CENPK: variants seen among roughly 807,000 people sequenced by gnomAD.
The protein encoded by CENPK is centromere protein K.
CENPK carries 46 observed loss-of-function variants against 40.9 expected under a neutral mutation model. The observed-to-expected ratio is 1.13, with a 90% CI of 0.89 to 1.44. The LOEUF is 1.44. Ranked by LOEUF, CENPK falls within the 40% of genes most tolerant of loss-of-function variation. CENPK has a pLI of 0.00. For missense variants in CENPK, 288 were observed against 303.5 expected, an observed-to-expected ratio of 0.95 and a Z score of 0.38; for synonymous variants, 107 against 104.4, an observed-to-expected ratio of 1.02 and a Z score of -0.15.
the CENPK span, among the ~76,000 whole-genome samples, chr5:65,503,618 C>T: frequency 6.6e-6 from 1 of 151,182 alleles, no homozygotes; most frequent in Non-Finnish European, 1.5e-5. Flanking sequence ...ATATTTAGAA[C>T]TTTTTCTATT....
Position 65,563,129 on chromosome 5 carries a change from G to A in CENPK, c.-173C>T, listed in dbSNP as rs1752340528. 3 of 726,700 alleles carry A rather than the reference G, an allele frequency of 4.1e-6. No homozygotes were observed. Among genetic ancestry groups the A allele is most frequent in the African/African-American group, 1.8e-5 (1 of 55,802 alleles). The allele number at this position is 726,700 out of a possible 1,614,324, so 45.0% of individuals were successfully genotyped here. On this transcript the variant is annotated 5_prime_UTR_variant, in exon 1 of 11. Transcript: ENST00000396679. The stretch of plus-strand genomic sequence containing the variant: ...AGCGTCACAAACTCCAGGTCGCCTA[G>A]GCGCTGCGCAGGAAGCGCTTGCCAG...
At chr5:65,554,628 T>C (rs1750684588) in intron 3 of CENPK, among the ~76,000 whole-genome samples, 169 bp downstream of exon 3, 1 of 152,246 alleles carries the variant, frequency 6.6e-6, no homozygotes, top group Non-Finnish European at 1.5e-5. Flanking sequence ...ATAGCTCATC[T>C]AGTGTAAAGT....
At chr5:65,507,773 T>C in the CENPK span, among the ~76,000 whole-genome samples, 1 of 152,240 alleles carries the variant, frequency 6.6e-6, no homozygotes, top group Admixed American at 6.5e-5. Flanking sequence ...TCCAGTATTG[T>C]TCTTTTTCAG....
At chr5:65,503,803 C>T in the CENPK span, among the ~76,000 whole-genome samples, 6 of 151,684 alleles carry the variant, frequency 4.0e-5, no homozygotes, top group African/African-American at 1.2e-4. Context: ...ACTACAAGCA[C>T]GTGCCACCAC....
chr5:65,533,058 A>ATT (rs1034400364), intron 6 of CENPK, among the ~76,000 whole-genome samples: 8 of 152,102 alleles, frequency 5.3e-5, no homozygotes, highest in African/African-American at 1.9e-4. Flanking sequence ...TTAATTTGTG[A>ATT]TTTTAAAATA....
chr5:65,511,088 C>A, the CENPK span, among the ~76,000 whole-genome samples: 4 of 152,186 alleles, frequency 2.6e-5, no homozygotes, highest in African/African-American at 9.6e-5. Flanking sequence ...TGGACTAAGA[C>A]ACAACCACAA....
chr5:65,515,867 G>C (rs547838210), downstream of CENPK, among the ~76,000 whole-genome samples: 9 of 152,310 alleles, frequency 5.9e-5, no homozygotes, highest in Admixed American at 3.9e-4. Flanking sequence ...CCATACACTA[G>C]GTGACTTAAG....
chr5:65,533,403 T>A (rs1746262749), intron 6 of CENPK, among the ~76,000 whole-genome samples: 2 of 142,118 alleles, frequency 1.4e-5, no homozygotes, highest in African/African-American at 2.8e-5. Flanking sequence ...CTTCATAAAC[T>A]GTAACAGAAG....
At chr5:65,508,055 A>T in the CENPK span, among the ~76,000 whole-genome samples, 1 of 152,208 alleles carries the variant, frequency 6.6e-6, no homozygotes, top group Admixed American at 6.6e-5. Context: ...GATTATTGAG[A>T]CATCTGATTA....
chr5:65,496,719 T>C, the CENPK span, among the ~76,000 whole-genome samples: 4 of 152,102 alleles, frequency 2.6e-5, no homozygotes, highest in Non-Finnish European at 5.9e-5. Flanking sequence ...TACTTTGCTG[T>C]TTGTTTTTTT....
At chr5:65,552,126 AT>A (rs1279377201) in intron 4 of CENPK, among the ~76,000 whole-genome samples, 1 of 151,978 alleles carries the variant, frequency 6.6e-6, no homozygotes, top group Non-Finnish European at 1.5e-5. Context: ...AGACCAGCTA[AT>A]TTTTTTGTAC....
At position 65,528,340 on chromosome 5, in the gene CENPK, A is replaced by C. The variant is rs1035610637; in HGVS notation, c.597+112T>G. 4 of 909,310 alleles carry C rather than the reference A, an allele frequency of 4.4e-6. No homozygotes were observed. The African/African-American group carries it at 7.0e-5, about 16-fold the overall frequency. 56.3% of individuals were successfully genotyped at this position (909,310 alleles called of 1,614,324 possible). On this transcript the variant is annotated intron_variant, in intron 9 of 10. Transcript: ENST00000396679. Reference sequence around the variant, plus strand: ...TCAATAAGTATAATGTGATAATGGCATATTTCCATACATGTGCATACCTTT... The same window carrying C: ...TCAATAAGTATAATGTGATAATGGCCTATTTCCATACATGTGCATACCTTT...
the CENPK span, among the ~76,000 whole-genome samples, chr5:65,510,556 C>T: frequency 6.0e-3 from 918 of 152,204 alleles, 8 homozygotes; most frequent in African/African-American, 0.02. Flanking sequence ...GGGCAGATCA[C>T]CTGAGGTCAG....
At chr5:65,562,114 G>C (rs891216561) in intron 1 of CENPK, among the ~76,000 whole-genome samples, 1 of 152,108 alleles carries the variant, frequency 6.6e-6, no homozygotes, top group African/African-American at 2.4e-5. Context: ...GAAGGAATTA[G>C]TCCATAATAA....
At chr5:65,554,700 T>C (rs1232467296) in intron 3 of CENPK, 97 bp downstream of exon 3, 7 of 737,122 alleles carry the variant, frequency 9.5e-6, no homozygotes, top group Non-Finnish European at 1.4e-5. Flanking sequence ...ATAATGGCTT[T>C]TGGAAACTAG....
chr5:65,527,524 T>C (rs1408968314), intron 9 of CENPK, among the ~76,000 whole-genome samples: 7 of 68,542 alleles, frequency 1.0e-4, no homozygotes, highest in Non-Finnish European at 2.4e-4. Context: ...TATATATATA[T>C]ATATATATAT....
At chr5:65,560,867 T>G (rs2150568094) in intron 2 of CENPK, 1 of 152,264 alleles carries the variant, frequency 6.6e-6, no homozygotes. Flanking sequence ...TAGATATGTC[T>G]GCATAAGTCT....
Position 65,559,628 on chromosome 5 carries a change from CAG to C in CENPK, c.-40+1833_-40+1834del, listed in dbSNP as rs199833788. On this transcript the variant is annotated intron_variant, in intron 2 of 10. Coordinates refer to ENST00000396679, the MANE Select transcript of CENPK (RefSeq NM_022145.5). ...TGGGCGACAGAGCGAGACTCCGTCTCAGAAAAAAAAAAAAAAAAAAATTTACA... is the reference window on the plus strand; with the variant it reads ...TGGGCGACAGAGCGAGACTCCGTCTCAAAAAAAAAAAAAAAAAAATTTACA... 8.9e-3 allele frequency among the ~76,000 whole-genome samples: 496 copies of C among 55,680 alleles called. 21 individuals carry two copies. Among genetic ancestry groups the C allele is most frequent in the African/African-American group, 0.026 (312 of 12,012 alleles). 36.5% of individuals were successfully genotyped at this position (55,680 alleles called of 152,430 possible). A position where few individuals can be genotyped will look rare whatever the true frequency, so the allele number is the denominator to read the frequency against.
At chr5:65,495,741 A>G in the CENPK span, among the ~76,000 whole-genome samples, 2 of 152,166 alleles carry the variant, frequency 1.3e-5, no homozygotes, top group East Asian at 3.8e-4. Flanking sequence ...AAAAATTCAC[A>G]AAAGAAGAAA....
Sources: gnomAD v4.1 joint callset for allele counts (sites outside exome capture counted in the v4.1 genomes callset) on GRCh38, gnomAD v4.1.1 for gene constraint, MANE v1.5 for transcripts, NCBI Gene and HGNC (gene_info 2026-07-23, HGNC 2026-07-21) for gene names.